The following HYAL4 variants were observed in gnomAD, a reference collection of about 807,000 sequenced individuals.
HYAL4 encodes the protein hyaluronidase 4, also known as hyaluronidase-4.
A neutral mutation model predicts 35.2 loss-of-function variants in HYAL4; 37 were observed. That is an observed-to-expected ratio of 1.05 (90% confidence interval 0.81 to 1.38). The LOEUF (loss-of-function observed/expected upper bound fraction) is 1.38, where lower values mean the gene tolerates loss of function less well. HYAL4 is among the 40% of genes most tolerant of loss of function. HYAL4 has a pLI of 0.00. For synonymous variants in HYAL4, 198 were observed against 203.2 expected (o/e 0.97, Z 0.22); for missense variants, 572 against 572.4 (o/e 1.00, Z 0.01).
intron 2 of HYAL4, among the ~76,000 whole-genome samples, chr7:123,851,329 G>A (rs1391929911): frequency 1.3e-5 from 2 of 151,992 alleles, no homozygotes; most frequent in Non-Finnish European, 1.5e-5. Context: ...GTGTCATGGT[G>A]GTCTGCTGCA....
the HYAL4 span, among the ~76,000 whole-genome samples, chr7:123,792,616 G>T: frequency 6.6e-6 from 1 of 152,058 alleles, no homozygotes. Context: ...TTCTGTCTGG[G>T]AGGTCCCATG....
chr7:123,806,404 A>G, the HYAL4 span, among the ~76,000 whole-genome samples: 1 of 151,300 alleles, frequency 6.6e-6, no homozygotes, highest in Non-Finnish European at 1.5e-5. Flanking sequence ...CAATTTCTCC[A>G]TTACTCCTTA....
chr7:123,846,864 G>A (rs987015203), intron 1 of HYAL4, among the ~76,000 whole-genome samples: 2 of 152,074 alleles, frequency 1.3e-5, no homozygotes, highest in African/African-American at 4.8e-5. Flanking sequence ...TCTCTGAATC[G>A]ACCCAGCTTA....
intron 2 of HYAL4, among the ~76,000 whole-genome samples, chr7:123,860,757 G>T (rs895226372): frequency 6.6e-6 from 1 of 152,124 alleles, no homozygotes; most frequent in South Asian, 2.1e-4. Context: ...TTGGTGAAAG[G>T]TTTTATTCAT....
At chr7:123,858,368 A>G (rs1257927543) in intron 2 of HYAL4, among the ~76,000 whole-genome samples, 1 of 152,184 alleles carries the variant, frequency 6.6e-6, no homozygotes, top group Non-Finnish European at 1.5e-5. Flanking sequence ...GAGATATTTT[A>G]GGTAGAAAAC....
chr7:123,800,260 C>A, the HYAL4 span, among the ~76,000 whole-genome samples: 3 of 150,982 alleles, frequency 2.0e-5, no homozygotes, highest in Non-Finnish European at 3.0e-5. Flanking sequence ...AGCTCCACCT[C>A]CCGGGTTCAC....
upstream of HYAL4, among the ~76,000 whole-genome samples, chr7:123,828,415 CTTG>C (rs1805831202): frequency 7.5e-6 from 1 of 133,706 alleles, no homozygotes; most frequent in African/African-American, 2.8e-5. Flanking sequence ...AATACTCCCT[CTTG>C]TTCATAATTA....
intron 2 of HYAL4, among the ~76,000 whole-genome samples, chr7:123,857,257 G>A (rs940355862): frequency 6.6e-6 from 1 of 152,128 alleles, no homozygotes; most frequent in African/African-American, 2.4e-5. Flanking sequence ...AGCTAGCTTG[G>A]TGTCTGCTGA....
At chr7:123,805,835 A>G in the HYAL4 span, among the ~76,000 whole-genome samples, 2 of 152,080 alleles carry the variant, frequency 1.3e-5, no homozygotes, top group Non-Finnish European at 2.9e-5. Context: ...TGACTGGTCT[A>G]TTTTAAAATA....
chr7:123,853,054 T>G (rs1355936637), intron 2 of HYAL4, among the ~76,000 whole-genome samples: 1 of 152,196 alleles, frequency 6.6e-6, no homozygotes, highest in Non-Finnish European at 1.5e-5. Flanking sequence ...CATTGGTGTA[T>G]AGGAATGCTT....
chr7:123,833,399 T>C (rs1805913360), intron 1 of HYAL4, among the ~76,000 whole-genome samples: 1 of 42,642 alleles, frequency 2.3e-5, no homozygotes, highest in South Asian at 4.8e-4. Flanking sequence ...TTTCTATTCA[T>C]GTCCTAGCCC....
the HYAL4 span, among the ~76,000 whole-genome samples, chr7:123,786,714 CTAT>C: frequency 2.8e-5 from 1 of 35,628 alleles, no homozygotes; most frequent in Non-Finnish European, 5.6e-5. Context: ...GTATCACATG[CTAT>C]CTATCTATCT....
At chr7:123,813,082 G>T in the HYAL4 span, among the ~76,000 whole-genome samples, 1 of 152,114 alleles carries the variant, frequency 6.6e-6, no homozygotes, top group East Asian at 1.9e-4. Flanking sequence ...GAGAGTTAGC[G>T]TACAATTTTG....
chr7:123,856,527 A>T (rs564845698), intron 2 of HYAL4, among the ~76,000 whole-genome samples: 1 of 152,222 alleles, frequency 6.6e-6, no homozygotes, highest in Admixed American at 6.5e-5. Flanking sequence ...AGGAGGCTGC[A>T]GAACAGCAAA....
the HYAL4 span, among the ~76,000 whole-genome samples, chr7:123,801,102 C>T: frequency 8.5e-5 from 13 of 152,126 alleles, no homozygotes; most frequent in East Asian, 1.9e-3. Flanking sequence ...ATTGCTTGAG[C>T]GCAGGAGTTC....
chr7:123,857,692 T>C (rs911372234), intron 2 of HYAL4, among the ~76,000 whole-genome samples: 2 of 149,292 alleles, frequency 1.3e-5, no homozygotes, highest in African/African-American at 4.9e-5. Context: ...TTTCTTTCTT[T>C]CTTTCTTTCT....
chr7:123,869,223 C>T lies in HYAL4; in HGVS notation c.950C>T (p.Ser317Phe). The T allele has an allele frequency of 4.4e-6, 7 of 1,583,058 alleles. No homozygotes were observed. Among genetic ancestry groups the T allele is most frequent in the Non-Finnish European group, 5.2e-6 (6 of 1,162,894 alleles). The change falls in exon 3 of 5, where the codon TCT (serine) becomes TTT (phenylalanine). Residue 317 changes from serine (S) to phenylalanine (F), a missense_variant. Physicochemically the swap from Ser to Phe is radical, Grantham distance 155 (BLOSUM62 -2). Transcript: ENST00000223026. Reference protein sequence around the residue: ...GYRDEPLFFLSKQDLVSTIGE... With the variant: ...GYRDEPLFFLFKQDLVSTIGE... Reference sequence around the variant, plus strand: ...AGAGATGAACCTTTATTTTTCCTTTCTAAGGTAAGAAGCTTCTTGTCCAAT... The same window carrying T: ...AGAGATGAACCTTTATTTTTCCTTTTTAAGGTAAGAAGCTTCTTGTCCAAT...
chr7:123,779,658 TAA>T, the HYAL4 span, among the ~76,000 whole-genome samples: 3 of 151,934 alleles, frequency 2.0e-5, no homozygotes, highest in Non-Finnish European at 4.4e-5. Flanking sequence ...ATTTTCAAAA[TAA>T]AAAAAATTTT....
chr7:123,829,573 T>C (rs1805849984), intron 1 of HYAL4, among the ~76,000 whole-genome samples: 2 of 152,204 alleles, frequency 1.3e-5, no homozygotes, highest in African/African-American at 4.8e-5. Flanking sequence ...AGAAAGTGAA[T>C]ATACCTGCTC....
Sources: allele counts gnomAD v4.1 joint callset (sites outside exome capture counted in the v4.1 genomes callset), GRCh38; gene constraint gnomAD v4.1.1; transcripts MANE v1.5; gene names NCBI Gene and HGNC (gene_info 2026-07-23, HGNC 2026-07-21).